ADAMTS16: variants seen among roughly 807,000 people sequenced by gnomAD.
ADAMTS16 encodes the protein A disintegrin and metalloproteinase with thrombospondin motifs 16.
In ADAMTS16, 94 loss-of-function variants were observed where a neutral mutation model predicts 145.8. The observed-to-expected ratio is 0.64, with a 90% CI of 0.55 to 0.77. The LOEUF is 0.77. Ranked by LOEUF, ADAMTS16 falls within the 30% of genes least tolerant of loss-of-function variation. The pLI, the probability that ADAMTS16 is intolerant of heterozygous loss-of-function variation, is 0.00. For missense variants in ADAMTS16, 1,585 were observed against 1,591.5 expected (o/e 1.00, Z 0.07); for synonymous variants, 659 against 604.3 (o/e 1.09, Z -1.33).
At chr5:5,300,083 C>T (rs763218178) in intron 18 of ADAMTS16, among the ~76,000 whole-genome samples, 5 of 152,132 alleles carry the variant, frequency 3.3e-5, no homozygotes, top group African/African-American at 4.8e-5. Context: ...GAGAATGGAT[C>T]GACCCAGTTG....
rs750307948 is a variant in ADAMTS16 at position 5,319,679 on chromosome 5, C to A, written c.*541C>A. On this transcript the variant is annotated 3_prime_UTR_variant, in exon 23 of 23. Coordinates refer to ENST00000274181, the MANE Select transcript of ADAMTS16 (RefSeq NM_139056.4). ...CCAGGCTCCTCCTCCTCCTCCCCAG[C>A]GGCCGAGCATCTCTTACCAGGAACC... 9 of 352,782 alleles carry A rather than the reference C, an allele frequency of 2.6e-5. No homozygotes were observed. Among genetic ancestry groups the A allele is most frequent in the Non-Finnish European group, 3.8e-5 (7 of 182,580 alleles). The allele number at this position is 352,782 out of a possible 1,614,324, so 21.9% of individuals were successfully genotyped here.
intron 3 of ADAMTS16, among the ~76,000 whole-genome samples, chr5:5,166,928 T>C (rs1734901740): frequency 6.6e-6 from 1 of 152,180 alleles, no homozygotes; most frequent in Non-Finnish European, 1.5e-5. Flanking sequence ...TTCCCTCCTG[T>C]ATGCTCACAG....
At chr5:5,290,915 C>A (rs1739286574) in intron 18 of ADAMTS16, among the ~76,000 whole-genome samples, 1 of 152,110 alleles carries the variant, frequency 6.6e-6, no homozygotes, top group South Asian at 2.1e-4. Context: ...CCTGTGCGGG[C>A]TCTTCGGGCG....
chr5:5,283,698 G>T (rs1739010594), intron 18 of ADAMTS16, among the ~76,000 whole-genome samples: 1 of 152,178 alleles, frequency 6.6e-6, no homozygotes, highest in Admixed American at 6.5e-5. Flanking sequence ...CACTGTGTTA[G>T]CTCCATCAGT....
chr5:5,211,565 G>C (rs966432219), intron 10 of ADAMTS16, among the ~76,000 whole-genome samples: 1 of 151,954 alleles, frequency 6.6e-6, no homozygotes. Context: ...ACTAAGTTCT[G>C]TCTTGTCTTT....
intron 3 of ADAMTS16, among the ~76,000 whole-genome samples, chr5:5,147,971 C>T (rs1376258288): frequency 5.9e-5 from 9 of 152,212 alleles, no homozygotes; most frequent in Non-Finnish European, 1.0e-4. Context: ...TTCCCTGAAT[C>T]GAGGTGGTTT....
chr5:5,168,076 T>C (rs557150658), intron 3 of ADAMTS16, among the ~76,000 whole-genome samples: 1 of 152,288 alleles, frequency 6.6e-6, no homozygotes, highest in East Asian at 1.9e-4. Flanking sequence ...TGTCACAGAA[T>C]TGAAAAGCGT....
chr5:5,235,824 C>CCA (rs1737090907), intron 13 of ADAMTS16, among the ~76,000 whole-genome samples: 1 of 151,992 alleles, frequency 6.6e-6, no homozygotes, highest in Non-Finnish European at 1.5e-5. Flanking sequence ...GAACATTGCC[C>CCA]GAAAAAATGA....
intron 18 of ADAMTS16, among the ~76,000 whole-genome samples, chr5:5,288,142 G>A (rs985664045): frequency 6.6e-5 from 10 of 152,136 alleles, no homozygotes; most frequent in Non-Finnish European, 5.9e-5. Flanking sequence ...GAGGGTTCAC[G>A]TCTGTAATAG....
intron 18 of ADAMTS16, among the ~76,000 whole-genome samples, chr5:5,290,829 G>A (rs11745231): frequency 0.28 from 42,920 of 152,004 alleles, 7,401 homozygotes; most frequent in East Asian, 0.53. Context: ...AACTTTCACT[G>A]TGTAGGACCT....
chr5:5,223,133 A>T, intron 11 of ADAMTS16: 2 of 505,482 alleles, frequency 4.0e-6, no homozygotes, highest in South Asian at 5.1e-5. Flanking sequence ...ACAACAGGTG[A>T]TGACAGATTC....
intron 3 of ADAMTS16, among the ~76,000 whole-genome samples, chr5:5,167,673 T>C (rs1734919232): frequency 6.6e-6 from 1 of 152,244 alleles, no homozygotes; most frequent in Non-Finnish European, 1.5e-5. Flanking sequence ...TAGCCACTTC[T>C]CCTTTGTCTA....
intron 3 of ADAMTS16, among the ~76,000 whole-genome samples, chr5:5,166,461 G>C (rs1485625460): frequency 6.6e-6 from 1 of 152,170 alleles, no homozygotes; most frequent in Non-Finnish European, 1.5e-5. Context: ...GGAGGGTCTT[G>C]AGCTCCCAGA....
chr5:5,159,983 G>A (rs1322322834), intron 3 of ADAMTS16, among the ~76,000 whole-genome samples: 1 of 152,134 alleles, frequency 6.6e-6, no homozygotes, highest in Non-Finnish European at 1.5e-5. Flanking sequence ...TGGGGGAGTT[G>A]TTACTATTCC....
intron 21 of ADAMTS16, among the ~76,000 whole-genome samples, chr5:5,312,372 G>C (rs1740490575): frequency 6.6e-6 from 1 of 152,012 alleles, no homozygotes; most frequent in African/African-American, 2.4e-5. Flanking sequence ...TGGACAAAAA[G>C]TATCAGTAGC....
In ADAMTS16 at chr5:5,209,100, C is replaced by G. The variant is rs1163954891; in HGVS notation, c.1459C>G (p.Gln487Glu). The G allele has an allele frequency of 6.2e-7, 1 of 1,613,158 alleles. No homozygotes were observed. The highest frequency in any genetic ancestry group is 8.5e-7 in the Non-Finnish European group (1 of 1,179,564). Residue 487 changes from glutamine (Q) to glutamate (E), a missense_variant, in exon 10 of 23, where the codon CAA (glutamine) becomes GAA (glutamate). By Grantham distance (29) the Gln-to-Glu change is conservative. Coordinates refer to ENST00000274181, the MANE Select transcript of ADAMTS16 (RefSeq NM_139056.4). ...ATCTCCTCTTTGTTTCAGCACCGCT[C>G]AAGCTATCTGCCTTGCTGATCAGCC... ...QYLHKFLSTA[Q>E]AICLADQPKP...
chr5:5,299,627 C>T (rs6555350), intron 18 of ADAMTS16, among the ~76,000 whole-genome samples: 112,279 of 151,936 alleles, frequency 0.74, 41,898 homozygotes, highest in South Asian at 0.82. Flanking sequence ...CTGGGTAGAC[C>T]GTTGAGCGAA....
chr5:5,311,712 AGTTTTT>A (rs1176645479), intron 21 of ADAMTS16, among the ~76,000 whole-genome samples: 8 of 150,150 alleles, frequency 5.3e-5, no homozygotes, highest in African/African-American at 2.0e-4. Context: ...ATGCCCAGCT[AGTTTTT>A]GTTTTTGTTT....
chr5:5,239,127 C>T (rs1295857842), intron 14 of ADAMTS16, 24 bp from the exon 15 acceptor site: 36 of 1,489,988 alleles, frequency 2.4e-5, no homozygotes, highest in Non-Finnish European at 3.2e-5. Flanking sequence ...TCATGAATGA[C>T]ATGTGACCTC....
Sources: allele counts gnomAD v4.1 joint callset (sites outside exome capture counted in the v4.1 genomes callset), GRCh38; gene constraint gnomAD v4.1.1; transcripts MANE v1.5; gene names NCBI Gene and HGNC (gene_info 2026-07-23, HGNC 2026-07-21).